Variants in HIPK2 observed in about 807,000 individuals in gnomAD.
HIPK2 encodes homeodomain interacting protein kinase 2.
A neutral mutation model predicts 113.7 loss-of-function variants in HIPK2; 27 were observed. The observed-to-expected ratio is 0.24, with a 90% CI of 0.17 to 0.33. The LOEUF (loss-of-function observed/expected upper bound fraction) is 0.33. Ranked by LOEUF, HIPK2 falls within the 10% of genes least tolerant of loss-of-function variation. The probability of loss-of-function intolerance (pLI) is 1.00; values close to 1 mark genes in which losing one functional copy is unlikely to be tolerated. For synonymous variants in HIPK2, 631 were observed against 642.2 expected (o/e 0.98, Z 0.26); for missense variants, 1,257 against 1,588.0 (o/e 0.79, Z 3.54).
At chr7:139,592,454 C>T (rs987219590) in intron 12 of HIPK2, among the ~76,000 whole-genome samples, 7 of 152,162 alleles carry the variant, frequency 4.6e-5, no homozygotes, top group African/African-American at 1.2e-4. Flanking sequence ...AAATTACTCT[C>T]GGCCAGGCAT....
intron 1 of HIPK2, among the ~76,000 whole-genome samples, chr7:139,769,309 G>A (rs912508349): frequency 3.3e-5 from 5 of 151,862 alleles, no homozygotes; most frequent in South Asian, 2.1e-4. Context: ...CTCCACGGCC[G>A]CAGTGCCTTC....
chr7:139,723,171 C>T (rs959312588), intron 1 of HIPK2, among the ~76,000 whole-genome samples: 5 of 150,460 alleles, frequency 3.3e-5, no homozygotes, highest in African/African-American at 1.2e-4. Flanking sequence ...TTAACTCACA[C>T]AGTTACGGTT....
rs1208347230 is a variant in HIPK2, at chr7:139,716,724, G to A, written c.311C>T (p.Thr104Ile). 1.2e-6 allele frequency: 2 copies of A among 1,613,958 alleles called. No individual in the cohort carries two copies. Among genetic ancestry groups the A allele is most frequent in the Non-Finnish European group, 1.7e-6 (2 of 1,179,868 alleles). Reference protein sequence around the residue: ...VVTSASSTSVTGQVLGGPHNL... With the variant: ...VVTSASSTSVIGQVLGGPHNL... ...GTGTGGTCCGCCGAGGACTTGCCCG[G>A]TGACAGAAGTGCTGCTTGCTGAGGT... Residue 104 changes from threonine to isoleucine, a missense_variant, in exon 2 of 15, where the codon ACC becomes ATC. Around this residue, in one of 5 missense-constraint regions of HIPK2, gnomAD observed 209 missense variants for 237.8 expected, o/e 0.88. Coordinates refer to ENST00000406875, the MANE Select transcript of HIPK2 (RefSeq NM_022740.5). This position sits in a 1 kb window ranked among gnomAD's most constrained non-coding sequence, Gnocchi z 9.3.
At chr7:139,749,544 A>G (rs909225027) in intron 1 of HIPK2, among the ~76,000 whole-genome samples, 2 of 152,210 alleles carry the variant, frequency 1.3e-5, no homozygotes, top group African/African-American at 2.4e-5. Context: ...AGGCTAAGAA[A>G]GCTCTCTGGA....
intron 2 of HIPK2, among the ~76,000 whole-genome samples, chr7:139,715,072 C>T (rs1795182643): frequency 1.3e-5 from 2 of 152,332 alleles, no homozygotes; most frequent in East Asian, 1.9e-4. Flanking sequence ...ATGTCGGCAG[C>T]GGTTCCAATC....
chr7:139,590,194 T>C (rs1798969201), intron 12 of HIPK2, among the ~76,000 whole-genome samples: 1 of 152,110 alleles, frequency 6.6e-6, no homozygotes, highest in South Asian at 2.1e-4. Context: ...TTAATGCAAG[T>C]GAGAGAGATA....
intron 1 of HIPK2, among the ~76,000 whole-genome samples, chr7:139,732,141 A>G (rs1188170221): frequency 1.3e-5 from 2 of 152,236 alleles, no homozygotes; most frequent in African/African-American, 4.8e-5. Context: ...TGTAAACTAT[A>G]AAGCATAATA....
chr7:139,657,512 G>C (rs1801712847), intron 2 of HIPK2, among the ~76,000 whole-genome samples: 1 of 152,152 alleles, frequency 6.6e-6, no homozygotes, highest in Non-Finnish European at 1.5e-5. Flanking sequence ...GGCACATTCT[G>C]CCTCCACCCA....
At chr7:139,709,156 G>A (rs1223152156) in intron 2 of HIPK2, among the ~76,000 whole-genome samples, 2 of 152,072 alleles carry the variant, frequency 1.3e-5, no homozygotes, top group African/African-American at 2.4e-5. Context: ...GCTGCAACCC[G>A]AAACGCATAC....
intron 2 of HIPK2, among the ~76,000 whole-genome samples, chr7:139,677,500 C>T (rs964126522): frequency 6.6e-6 from 1 of 152,102 alleles, no homozygotes; most frequent in Non-Finnish European, 1.5e-5. Context: ...GGCCTTCTTG[C>T]TGAGCCCTCA....
intron 1 of HIPK2, among the ~76,000 whole-genome samples, chr7:139,730,631 G>T (rs938776308): frequency 6.6e-6 from 1 of 152,180 alleles, no homozygotes; most frequent in Admixed American, 6.5e-5. Context: ...AAAGTGCTAG[G>T]ATTATAGGCA....
In HIPK2 at chr7:139,573,154, G is replaced by A. The variant is rs146609551; in HGVS notation, c.3370C>T (p.Gln1124Ter). Residue 1124 changes from glutamine to a stop codon, truncating the protein, a stop_gained, in exon 15 of 15, where the codon CAA (glutamine) becomes TAA (stop). Coordinates refer to ENST00000406875, the MANE Select transcript of HIPK2 (RefSeq NM_022740.5). LOFTEE classifies it high-confidence loss of function. ...TGTVAHLVAS[Q>*]GSARHTVQHT... ...TGCACGGTGTGGCGCGCAGAGCCTT[G>A]CGAGGCCACCAGGTGGGCCACGGTG... 2 of 1,611,092 alleles carry A rather than the reference G, an allele frequency of 1.2e-6. No individual in the cohort carries two copies. Among genetic ancestry groups the A allele is most frequent in the Non-Finnish European group, 1.7e-6 (2 of 1,179,360 alleles).
At chr7:139,656,963 C>A (rs1165710952) in intron 2 of HIPK2, among the ~76,000 whole-genome samples, 2 of 152,036 alleles carry the variant, frequency 1.3e-5, no homozygotes, top group African/African-American at 4.8e-5. Context: ...CTCCACCTCC[C>A]GGATTCAAGT....
intron 2 of HIPK2, among the ~76,000 whole-genome samples, chr7:139,669,406 T>C (rs1006818212): frequency 6.6e-6 from 1 of 152,274 alleles, no homozygotes; most frequent in South Asian, 2.1e-4. Context: ...AATAAGCCCG[T>C]TTTTTCTTTT....
At chr7:139,574,374 T>A (rs1342306783) in intron 14 of HIPK2, among the ~76,000 whole-genome samples, 1 of 151,700 alleles carries the variant, frequency 6.6e-6, no homozygotes, top group Non-Finnish European at 1.5e-5. Flanking sequence ...AGACCCTGTC[T>A]TAAAAAAAAA....
intron 2 of HIPK2, among the ~76,000 whole-genome samples, chr7:139,663,354 CA>C (rs1801932293): frequency 6.6e-6 from 1 of 152,202 alleles, no homozygotes; most frequent in Non-Finnish European, 1.5e-5. Flanking sequence ...GTTTACAGCT[CA>C]GGGGCAGCAG....
chr7:139,704,176 A>T (rs1346420283), intron 2 of HIPK2, among the ~76,000 whole-genome samples: 1 of 130,044 alleles, frequency 7.7e-6, no homozygotes, highest in Non-Finnish European at 1.6e-5. Context: ...CTCCACACCC[A>T]CACTATATCC....
intron 1 of HIPK2, among the ~76,000 whole-genome samples, chr7:139,717,729 G>GTT (rs57555288): frequency 1.3e-5 from 2 of 150,482 alleles, no homozygotes; most frequent in East Asian, 3.9e-4. Flanking sequence ...ATTTCTTTTT[G>GTT]TTTTTTTTTG....
chr7:139,710,340 C>T (rs1437595871), intron 2 of HIPK2, among the ~76,000 whole-genome samples: 2 of 152,176 alleles, frequency 1.3e-5, no homozygotes, highest in Non-Finnish European at 2.9e-5. Context: ...CTCCATGACC[C>T]CTAGACTTCC....
Sources: allele counts gnomAD v4.1 joint callset (sites outside exome capture counted in the v4.1 genomes callset), GRCh38; gene constraint gnomAD v4.1.1; regional missense constraint gnomAD v4.1.1; non-coding constraint Gnocchi (gnomAD v3.1); transcripts MANE v1.5; gene names NCBI Gene and HGNC (gene_info 2026-07-23, HGNC 2026-07-21).